Variants in LARGE1 observed in about 807,000 individuals in gnomAD.
The protein encoded by LARGE1 is LARGE xylosyl- and glucuronyltransferase 1.
In LARGE1, 43 loss-of-function variants were observed where a neutral mutation model predicts 87.6. That is an observed-to-expected ratio of 0.49 (90% CI 0.38 to 0.63). LARGE1 has a LOEUF of 0.63. LARGE1 is among the 30% of genes least tolerant of loss of function. The pLI, the probability that LARGE1 is intolerant of heterozygous loss-of-function variation, is 0.00. For synonymous variants in LARGE1, 434 were observed against 394.6 expected, an observed-to-expected ratio of 1.10 and a Z score of -1.18; for missense variants, 802 against 1,000.2, an observed-to-expected ratio of 0.80 and a Z score of 2.67.
At chr22:33,755,567 A>T (rs1289858103) in intron 2 of LARGE1, among the ~76,000 whole-genome samples, 1 of 152,210 alleles carries the variant, frequency 6.6e-6, no homozygotes, top group Non-Finnish European at 1.5e-5. Flanking sequence ...AGAAAAGGTG[A>T]TTCTGATAGA....
chr22:33,847,091 C>G (rs574144742), intron 1 of LARGE1, among the ~76,000 whole-genome samples: 3 of 152,244 alleles, frequency 2.0e-5, no homozygotes, highest in East Asian at 3.9e-4. Context: ...CGGAACCTAC[C>G]GACATGTGAT....
At chr22:33,694,923 T>A (rs938132299) in intron 2 of LARGE1, among the ~76,000 whole-genome samples, 1 of 152,186 alleles carries the variant, frequency 6.6e-6, no homozygotes, top group Non-Finnish European at 1.5e-5. Flanking sequence ...GTAAAAGAAA[T>A]AAATTAATTA....
At chr22:33,186,449 T>C (rs1467576727) in intron 11 of LARGE1, among the ~76,000 whole-genome samples, 6 of 152,254 alleles carry the variant, frequency 3.9e-5, no homozygotes, top group African/African-American at 1.4e-4. Context: ...TCAGTACCCA[T>C]TCATAATGTA....
chr22:33,114,327 A>G, the LARGE1 span, among the ~76,000 whole-genome samples: 3 of 152,306 alleles, frequency 2.0e-5, no homozygotes, highest in South Asian at 6.2e-4. Context: ...CTGTCTTGTT[A>G]GGACAACATA....
At position 33,713,672 on chromosome 22, in the gene LARGE1, C is replaced by G. The variant is rs548741583; in HGVS notation, c.106+47699G>C. 2.0e-5 allele frequency among the ~76,000 whole-genome samples: 3 copies of G among 152,012 alleles called. No individual in the cohort carries two copies. In the South Asian group the frequency reaches 6.2e-4, roughly 32 times the overall value. Reference sequence around the variant, plus strand: ...TATTCAGCATTTTAAAATGAGTGCCCAGGGCTGGGCACAGTGGCTTCCATG... The same window carrying G: ...TATTCAGCATTTTAAAATGAGTGCCGAGGGCTGGGCACAGTGGCTTCCATG... On this transcript the variant is annotated intron_variant, in intron 2 of 14. Transcript: ENST00000397394.
At chr22:33,635,496 T>G (rs12160749) in intron 3 of LARGE1, among the ~76,000 whole-genome samples, 97 of 152,232 alleles carry the variant, frequency 6.4e-4, no homozygotes, top group African/African-American at 2.3e-3. Flanking sequence ...GCTAAGTGAT[T>G]TGGGGCAAAT....
intron 3 of LARGE1, among the ~76,000 whole-genome samples, chr22:33,626,589 T>C (rs1312177748): frequency 6.6e-6 from 1 of 152,200 alleles, no homozygotes; most frequent in African/African-American, 2.4e-5. Context: ...GGTGATTGGC[T>C]CAAATAGGCA....
intron 6 of LARGE1, among the ~76,000 whole-genome samples, chr22:33,490,275 T>A (rs2069774661): frequency 6.6e-6 from 1 of 152,224 alleles, no homozygotes; most frequent in African/African-American, 2.4e-5. Context: ...AGAAGCTCCA[T>A]GGAACATCAA....
upstream of LARGE1, among the ~76,000 whole-genome samples, chr22:33,920,828 C>G (rs2065926780): frequency 6.9e-6 from 1 of 144,316 alleles, no homozygotes; most frequent in Non-Finnish European, 1.5e-5. Context: ...CCGCTGCAGC[C>G]GCCGCGGGCA....
chr22:33,600,007 T>C (rs1279525785), intron 5 of LARGE1, among the ~76,000 whole-genome samples: 1 of 152,180 alleles, frequency 6.6e-6, no homozygotes, highest in Non-Finnish European at 1.5e-5. Context: ...TGCTGCCTTA[T>C]CTATGCGACT....
At chr22:33,880,516 T>C (rs2064644783) in intron 1 of LARGE1, among the ~76,000 whole-genome samples, 1 of 152,186 alleles carries the variant, frequency 6.6e-6, no homozygotes, top group Admixed American at 6.5e-5. Flanking sequence ...TCATGTGCAG[T>C]CTCTGCCATG....
chr22:33,310,065 G>A (rs1444662572), intron 11 of LARGE1, among the ~76,000 whole-genome samples: 1 of 152,130 alleles, frequency 6.6e-6, no homozygotes, highest in Non-Finnish European at 1.5e-5. Flanking sequence ...GATCACCTGC[G>A]GGGCTTCTTA....
intron 11 of LARGE1, among the ~76,000 whole-genome samples, chr22:33,234,419 C>T (rs1484120928): frequency 3.9e-5 from 6 of 152,138 alleles, no homozygotes; most frequent in Admixed American, 3.9e-4. Context: ...TAATGACTGC[C>T]CCACATACCT....
At chr22:33,914,004 T>C (rs2065713049) in intron 1 of LARGE1, among the ~76,000 whole-genome samples, 1 of 152,230 alleles carries the variant, frequency 6.6e-6, no homozygotes, top group Non-Finnish European at 1.5e-5. Context: ...TGTACTGCAA[T>C]TAACTTATCT....
chr22:33,105,100 C>G, the LARGE1 span, among the ~76,000 whole-genome samples: 2 of 151,750 alleles, frequency 1.3e-5, no homozygotes, highest in Non-Finnish European at 2.9e-5. Flanking sequence ...TGGGTTCAAG[C>G]GATTCTCCTG....
intron 5 of LARGE1, among the ~76,000 whole-genome samples, chr22:33,597,535 G>C (rs908042949): frequency 2.0e-5 from 3 of 152,190 alleles, no homozygotes; most frequent in Non-Finnish European, 4.4e-5. Context: ...CCTCCATAGA[G>C]ACCAGCACAA....
intron 2 of LARGE1, among the ~76,000 whole-genome samples, chr22:33,682,439 A>G (rs781487408): frequency 6.6e-6 from 1 of 152,066 alleles, no homozygotes; most frequent in Non-Finnish European, 1.5e-5. Context: ...GTTCCCTGTC[A>G]CCCAGGCTTC....
intron 1 of LARGE1, among the ~76,000 whole-genome samples, chr22:33,780,161 G>A (rs992948006): frequency 9.9e-5 from 15 of 152,160 alleles, no homozygotes; most frequent in Non-Finnish European, 1.5e-4. Flanking sequence ...CAAACTTCCC[G>A]TTACAAGGAC....
the LARGE1 span, among the ~76,000 whole-genome samples, chr22:33,152,368 T>A: frequency 1.3e-5 from 2 of 152,228 alleles, no homozygotes; most frequent in African/African-American, 4.8e-5. Context: ...TCAAAGAATG[T>A]TTCCACTCCT....
Sources: gnomAD v4.1 joint callset for allele counts (sites outside exome capture counted in the v4.1 genomes callset) on GRCh38, gnomAD v4.1.1 for gene constraint, MANE v1.5 for transcripts, NCBI Gene and HGNC (gene_info 2026-07-23, HGNC 2026-07-21) for gene names.